CSMD1: variants seen among roughly 807,000 people sequenced by gnomAD.
CSMD1 encodes the protein CUB and Sushi multiple domains 1.
CSMD1 carries 213 observed loss-of-function variants against 417.5 expected under a neutral mutation model. The ratio of observed to expected loss-of-function variants is 0.51; its 90% CI spans 0.46 to 0.57. CSMD1 has a LOEUF of 0.57. Ranked by LOEUF, CSMD1 falls within the 20% of genes least tolerant of loss-of-function variation. CSMD1 has a pLI of 0.00. For missense variants in CSMD1, 6,923 were observed against 4,529.7 expected, an observed-to-expected ratio of 1.53 and a Z score of -15.17; for synonymous variants, 2,862 against 1,736.8, an observed-to-expected ratio of 1.65 and a Z score of -16.11.
At chr8:3,840,008 G>C (rs1034316695) in intron 5 of CSMD1, among the ~76,000 whole-genome samples, 13 of 152,106 alleles carry the variant, frequency 8.5e-5, no homozygotes, top group African/African-American at 2.9e-4. Context: ...TCATGTCAAA[G>C]CTAAGCTCCT....
intron 3 of CSMD1, among the ~76,000 whole-genome samples, chr8:4,164,577 T>C (rs1358816989): frequency 6.6e-6 from 1 of 152,226 alleles, no homozygotes; most frequent in South Asian, 2.1e-4. Context: ...AAAATCTTCT[T>C]GAATGTTTTC....
chr8:4,243,041 C>T (rs1802494483), intron 3 of CSMD1, among the ~76,000 whole-genome samples: 1 of 152,120 alleles, frequency 6.6e-6, no homozygotes, highest in Admixed American at 6.5e-5. Flanking sequence ...GAGGTTTTAT[C>T]TGAGTACACG....
At chr8:3,080,765 C>G (rs368052773) in intron 49 of CSMD1, among the ~76,000 whole-genome samples, 2 of 152,104 alleles carry the variant, frequency 1.3e-5, no homozygotes, top group Non-Finnish European at 2.9e-5. Context: ...AATTCTGGGA[C>G]GTAGATATCA....
intron 3 of CSMD1, among the ~76,000 whole-genome samples, chr8:4,382,023 G>C (rs1429235552): frequency 1.3e-5 from 2 of 152,100 alleles, no homozygotes; most frequent in African/African-American, 4.8e-5. Flanking sequence ...TGGTATAGCT[G>C]GGGTCTGAAT....
intron 6 of CSMD1, among the ~76,000 whole-genome samples, chr8:3,709,318 G>A (rs187761500): frequency 1.1e-3 from 172 of 152,194 alleles, no homozygotes; most frequent in Middle Eastern, 6.8e-3. Flanking sequence ...CAGCAGCTGC[G>A]AGCAGGCAGA....
At position 4,112,653 on chromosome 8, in the gene CSMD1, A is replaced by C. The variant is rs143066947; in HGVS notation, c.416-80554T>G. ...ACCTGTCCAAAGGGGATCCTGCCCC[A>C]AATCCCACAAACCCCAGACAAGCCC... On this transcript the variant is annotated intron_variant, in intron 3 of 69. Transcript: ENST00000635120. Among the ~76,000 whole-genome samples, 638 of 152,306 alleles carry C rather than the reference A, an allele frequency of 4.2e-3. 10 individuals carry two copies. Among genetic ancestry groups the C allele is most frequent in the African/African-American group, 0.015 (606 of 41,558 alleles).
intron 5 of CSMD1, among the ~76,000 whole-genome samples, chr8:3,919,917 T>G (rs1809110702): frequency 6.6e-6 from 1 of 152,194 alleles, no homozygotes; most frequent in Admixed American, 6.6e-5. Context: ...TTTTGGGAAT[T>G]TCTTTATCAG....
chr8:4,564,142 G>A (rs761139515), intron 2 of CSMD1, among the ~76,000 whole-genome samples: 22 of 152,058 alleles, frequency 1.4e-4, no homozygotes, highest in Non-Finnish European at 1.6e-4. Flanking sequence ...AAATGAACAC[G>A]TATAAAAGGT....
intron 1 of CSMD1, among the ~76,000 whole-genome samples, chr8:4,870,978 T>G (rs1802704451): frequency 6.6e-6 from 1 of 152,076 alleles, no homozygotes; most frequent in Non-Finnish European, 1.5e-5. Flanking sequence ...AGTCAGGGAC[T>G]CAGGGGATGC....
intron 10 of CSMD1, among the ~76,000 whole-genome samples, chr8:3,516,554 G>C (rs1797290229): frequency 6.6e-6 from 1 of 152,194 alleles, no homozygotes; most frequent in African/African-American, 2.4e-5. Context: ...ATCAGGTCAT[G>C]TCTGCTTGAA....
chr8:3,284,413 A>C, intron 25 of CSMD1, 67 bp from the exon 26 acceptor site: 5 of 1,235,626 alleles, frequency 4.0e-6, no homozygotes, highest in Non-Finnish European at 4.7e-6. Flanking sequence ...ATAGCTGTAA[A>C]GTAAGCAAGC....
chr8:3,304,737 A>AT (rs1174603281), intron 25 of CSMD1, among the ~76,000 whole-genome samples: 12 of 130,628 alleles, frequency 9.2e-5, no homozygotes, highest in African/African-American at 2.0e-4. Flanking sequence ...TCTCTTTTTA[A>AT]TTTTTTTTAT....
At chr8:4,415,319 T>C (rs577725251) in intron 3 of CSMD1, among the ~76,000 whole-genome samples, 1 of 152,152 alleles carries the variant, frequency 6.6e-6, no homozygotes, top group Non-Finnish European at 1.5e-5. Flanking sequence ...CATCTGTTTT[T>C]CTCTATGCTT....
At chr8:4,686,945 G>C in intron 1 of CSMD1, among the ~76,000 whole-genome samples, 1 of 152,192 alleles carries the variant, frequency 6.6e-6, no homozygotes. Context: ...GGAAGTGGAG[G>C]AGACACGTCT....
At chr8:4,802,313 G>C (rs1028830010) in intron 1 of CSMD1, among the ~76,000 whole-genome samples, 3 of 151,838 alleles carry the variant, frequency 2.0e-5, no homozygotes. Context: ...CCTATGACTG[G>C]TCCTCCAACT....
At chr8:4,825,284 A>G (rs1411538509) in intron 1 of CSMD1, among the ~76,000 whole-genome samples, 1 of 152,120 alleles carries the variant, frequency 6.6e-6, no homozygotes, top group African/African-American at 2.4e-5. Flanking sequence ...CACCCCACTC[A>G]AGGATATAAA....
chr8:2,963,339 A>C lies in CSMD1; in HGVS notation c.9337T>G (p.Phe3113Val), dbSNP rs1211150485. 6.2e-7 allele frequency: 1 copy of C among 1,613,944 alleles called. No homozygotes were observed. Among genetic ancestry groups the C allele is most frequent in the African/African-American group, 1.3e-5 (1 of 75,048 alleles). The change falls in exon 60 of 70, where the codon TTC becomes GTC. Residue 3113 changes from phenylalanine to valine, a missense_variant. Transcript: ENST00000635120. ...VQNGTVEGSD[F>V]RWGSSISYSC... ...TAACTTATGCTGGAGCCCCAGCGGAAATCACTTCCCTCCACTGTTCCATTC... is the reference window on the plus strand; with the variant it reads ...TAACTTATGCTGGAGCCCCAGCGGACATCACTTCCCTCCACTGTTCCATTC...
chr8:3,556,862 C>G (rs146885261), intron 10 of CSMD1, among the ~76,000 whole-genome samples: 1,980 of 152,238 alleles, frequency 0.013, 20 homozygotes, highest in East Asian at 0.062. Context: ...CTGGACAGAT[C>G]TCAGCACACT....
intron 49 of CSMD1, among the ~76,000 whole-genome samples, chr8:3,062,970 T>G (rs1398925703): frequency 6.6e-6 from 1 of 152,076 alleles, no homozygotes; most frequent in Non-Finnish European, 1.5e-5. Flanking sequence ...AAAAGAAAAT[T>G]CCTAGAGAAA....
Sources: allele counts gnomAD v4.1 joint callset (sites outside exome capture counted in the v4.1 genomes callset), GRCh38; gene constraint gnomAD v4.1.1; transcripts MANE v1.5; gene names NCBI Gene and HGNC (gene_info 2026-07-23, HGNC 2026-07-21).